ICE2: variants seen among roughly 807,000 people sequenced by gnomAD.
The protein encoded by ICE2 is little elongation complex subunit 2.
Under a neutral mutation model 105.4 loss-of-function variants are expected in ICE2, and 87 were observed. The observed-to-expected ratio is 0.83, with a 90% CI of 0.69 to 0.99. ICE2 has a LOEUF of 0.99. Among genes scored for constraint, ICE2 ranks in the 50% least tolerant of loss-of-function variants. ICE2 has a pLI of 0.00. For missense variants in ICE2, 1,323 were observed against 1,146.7 expected (o/e 1.15, Z -2.22); for synonymous variants, 399 against 392.0 (o/e 1.02, Z -0.21).
chr15:60,427,410 A>G (rs1027983671), intron 15 of ICE2, among the ~76,000 whole-genome samples: 1 of 152,200 alleles, frequency 6.6e-6, no homozygotes, highest in Admixed American at 6.5e-5. Flanking sequence ...TGTAGAGAGC[A>G]AAACTTTTTT....
intron 15 of ICE2, among the ~76,000 whole-genome samples, chr15:60,424,834 C>T (rs895105274): frequency 2.0e-5 from 3 of 152,190 alleles, no homozygotes; most frequent in Non-Finnish European, 4.4e-5. Context: ...TACAGAATCC[C>T]TTGCTATGTA....
chr15:60,447,257 C>T (rs1319927641), intron 11 of ICE2, among the ~76,000 whole-genome samples: 1 of 152,072 alleles, frequency 6.6e-6, no homozygotes, highest in African/African-American at 2.4e-5. Flanking sequence ...AGTAAGTCAA[C>T]AAGAGCCCCA....
chr15:60,433,020 G>A (rs1348063446), intron 13 of ICE2, among the ~76,000 whole-genome samples: 1 of 152,066 alleles, frequency 6.6e-6, no homozygotes, highest in Admixed American at 6.6e-5. Context: ...TGATAGGTAC[G>A]TTAAACCTGT....
At chr15:60,426,093 A>C (rs373051934) in intron 15 of ICE2, among the ~76,000 whole-genome samples, 3 of 152,246 alleles carry the variant, frequency 2.0e-5, no homozygotes, top group East Asian at 3.8e-4. Context: ...TCCGTGATAC[A>C]CATGTAATTG....
chr15:60,466,705 T>C lies in ICE2; in HGVS notation c.417A>G (p.Lys139=), dbSNP rs1185436052. 6.3e-7 allele frequency: 1 copy of C among 1,599,488 alleles called. No individual in the cohort carries two copies. Among genetic ancestry groups the C allele is most frequent in the Admixed American group, 1.7e-5 (1 of 57,952 alleles). Residue 139 remains lysine, a synonymous_variant, in exon 5 of 16, where the codon AAA becomes AAG. Coordinates refer to ENST00000261520, the MANE Select transcript of ICE2 (RefSeq NM_024611.6). ...KNDYLQYLDM[K]KHVNEEVTEF... is the part of the protein sequence containing the mutation. ...CAGTAACTTCTTCGTTCACATGTTT[T>C]TTCATATCCTGATTTTTAAAAAAGT...
chr15:60,447,850 A>C, intron 11 of ICE2, 120 bp downstream of exon 11: 1 of 821,066 alleles, frequency 1.2e-6, no homozygotes. Flanking sequence ...ACAAAAAACA[A>C]AACTCAACCT....
chr15:60,454,530 T>G (rs1878214945), intron 8 of ICE2, among the ~76,000 whole-genome samples: 1 of 152,056 alleles, frequency 6.6e-6, no homozygotes, highest in South Asian at 2.1e-4. Flanking sequence ...ATAGACCTAA[T>G]TAATTCATTT....
chr15:60,470,353 GAAGA>G (rs1040737003), intron 3 of ICE2, among the ~76,000 whole-genome samples: 12 of 152,254 alleles, frequency 7.9e-5, no homozygotes, highest in African/African-American at 2.6e-4. Context: ...GAAAGAAAGA[GAAGA>G]AAGAGAAAAT....
intron 3 of ICE2, among the ~76,000 whole-genome samples, chr15:60,472,779 G>C (rs1045025493): frequency 1.3e-5 from 2 of 152,086 alleles, no homozygotes; most frequent in African/African-American, 2.4e-5. Context: ...CCTGAGCCCA[G>C]GAATTTGAGT....
At chr15:60,458,380 A>G (rs2064184431) in intron 5 of ICE2, among the ~76,000 whole-genome samples, 1 of 152,202 alleles carries the variant, frequency 6.6e-6, no homozygotes, top group African/African-American at 2.4e-5. Context: ...CAGATCTATC[A>G]TTATAAAAAA....
chr15:60,449,888 C>G (rs2063920657), intron 9 of ICE2, 47 bp from the exon 10 acceptor site: 1 of 1,383,912 alleles, frequency 7.2e-7, no homozygotes. Context: ...TTCAAGCCAC[C>G]CTACCTATCT....
chr15:60,435,966 G>A (rs2063577981), intron 13 of ICE2, among the ~76,000 whole-genome samples, 177 bp downstream of exon 13: 1 of 152,004 alleles, frequency 6.6e-6, no homozygotes. Flanking sequence ...GAACGAGACT[G>A]TCTCAAACAC....
At chr15:60,478,917 T>A (rs2064851279) in intron 1 of ICE2, 86 bp downstream of exon 1, 1 of 454,632 alleles carries the variant, frequency 2.2e-6, no homozygotes, top group South Asian at 1.6e-5. Context: ...CCATGTTCCC[T>A]CCTCCCGCCC....
At chr15:60,460,996 A>G (rs555091475) in intron 5 of ICE2, among the ~76,000 whole-genome samples, 1 of 146,278 alleles carries the variant, frequency 6.8e-6, no homozygotes, top group Non-Finnish European at 1.5e-5. Context: ...ACTCACATGC[A>G]TTTAGTATGT....
At chr15:60,436,276 G>GAAA (rs377506035) in intron 12 of ICE2, 49 bp from the exon 13 acceptor site, 11 of 486,434 alleles carry the variant, frequency 2.3e-5, no homozygotes, top group South Asian at 9.7e-5. Context: ...GCAGTATTTA[G>GAAA]AAAAAAAAAA....
chr15:60,479,045 C>T lies in ICE2; in HGVS notation c.-135G>A, dbSNP rs906450019. 6.6e-6 allele frequency: 3 copies of T among 455,834 alleles called. No individual in the cohort carries two copies. The highest frequency in any genetic ancestry group is 3.2e-4 in the Middle Eastern group (1 of 3,092). The allele number at this position is 455,834 out of a possible 1,614,324, so 28.2% of individuals were successfully genotyped here. ...CTCTTGCCCAGGCCGCAGCCACACA[C>T]CACACACGCTCCACCCCACTCCTCA... On this transcript the variant is annotated 5_prime_UTR_variant, in exon 1 of 16. The change creates a new upstream start codon in the 5' untranslated region. Transcript: ENST00000261520.
At chr15:60,459,010 C>T (rs1246342072) in intron 5 of ICE2, among the ~76,000 whole-genome samples, 2 of 151,986 alleles carry the variant, frequency 1.3e-5, no homozygotes, top group East Asian at 1.9e-4. Flanking sequence ...TTTGGGAAGA[C>T]GAAAAGTTCT....
At position 60,466,749 on chromosome 15, in the gene ICE2, A is replaced by C; in HGVS notation, c.409-36T>G. On this transcript the variant is annotated intron_variant, in intron 4 of 15. Coordinates refer to ENST00000261520, the MANE Select transcript of ICE2 (RefSeq NM_024611.6). Reference sequence around the variant, plus strand: ...AAAAAGTAGACATGTCTTGGGATAAAAAGTTTCATTAAAAAGAATCACATT... The same window carrying C: ...AAAAAGTAGACATGTCTTGGGATAACAAGTTTCATTAAAAAGAATCACATT... 2.6e-6 allele frequency: 4 copies of C among 1,522,396 alleles called. No individual in the cohort carries two copies. In the East Asian group the frequency reaches 9.1e-5, roughly 35 times the overall value. The allele number at this position is 1,522,396 out of a possible 1,614,324, so 94.3% of individuals were successfully genotyped here. A position where few individuals can be genotyped will look rare whatever the true frequency, so the allele number is the denominator to read the frequency against.
intron 12 of ICE2, 34 bp downstream of exon 12, chr15:60,442,382 T>G: frequency 6.4e-7 from 1 of 1,554,604 alleles, no homozygotes; most frequent in Non-Finnish European, 8.7e-7. Flanking sequence ...ACAAGAAAAT[T>G]AAAAAGGAGA....
Sources: allele counts gnomAD v4.1 joint callset (sites outside exome capture counted in the v4.1 genomes callset), GRCh38; gene constraint gnomAD v4.1.1; transcripts MANE v1.5; gene names NCBI Gene and HGNC (gene_info 2026-07-23, HGNC 2026-07-21).